Variants in OCA2 observed in about 807,000 individuals in gnomAD.
OCA2 encodes P protein.
In OCA2, 77 loss-of-function variants were observed where a neutral mutation model predicts 100.2. The observed-to-expected ratio is 0.77, with a 90% CI of 0.64 to 0.93. OCA2 has a LOEUF of 0.93. Ranked by LOEUF, OCA2 falls within the 40% of genes least tolerant of loss-of-function variation. The probability of loss-of-function intolerance (pLI) is 0.00; values close to 1 mark genes in which losing one functional copy is unlikely to be tolerated. For synonymous variants in OCA2, 432 were observed against 439.2 expected (o/e 0.98, Z 0.21); for missense variants, 1,062 against 1,089.1 (o/e 0.98, Z 0.35).
chr15:27,860,208 C>T (rs2036081060), intron 21 of OCA2, among the ~76,000 whole-genome samples: 2 of 152,230 alleles, frequency 1.3e-5, no homozygotes, highest in Admixed American at 6.5e-5. Flanking sequence ...TTTTGCAAAA[C>T]TCAATAAAAG....
chr15:28,003,786 C>G (rs1401779408), intron 9 of OCA2, among the ~76,000 whole-genome samples: 1 of 152,226 alleles, frequency 6.6e-6, no homozygotes, highest in African/African-American at 2.4e-5. Context: ...CACCCCTAGC[C>G]CAGCCTGCTC....
intron 1 of OCA2, among the ~76,000 whole-genome samples, chr15:28,084,411 G>A (rs2044738373): frequency 6.6e-6 from 1 of 152,160 alleles, no homozygotes; most frequent in Admixed American, 6.5e-5. Context: ...CTTTCCCAGT[G>A]GAGCCTCTCT....
intron 1 of OCA2, among the ~76,000 whole-genome samples, chr15:28,092,563 G>C (rs1248443730): frequency 6.6e-6 from 1 of 152,098 alleles, no homozygotes; most frequent in Non-Finnish European, 1.5e-5. Flanking sequence ...ATGGTGCCCA[G>C]TCTGGTCTCA....
chr15:28,055,017 C>T (rs2043646093), intron 2 of OCA2, among the ~76,000 whole-genome samples: 1 of 152,238 alleles, frequency 6.6e-6, no homozygotes, highest in Admixed American at 6.5e-5. Flanking sequence ...ATTATCTCCA[C>T]CTGTTCCCAC....
chr15:27,909,920 A>G (rs2038321290), intron 19 of OCA2, among the ~76,000 whole-genome samples: 1 of 152,146 alleles, frequency 6.6e-6, no homozygotes, highest in African/African-American at 2.4e-5. Context: ...GACACACTAT[A>G]AAAAGTCACA....
Position 28,043,615 on chromosome 15 carries a change from A to C in OCA2, c.228-11452T>G, listed in dbSNP as rs1595872507. Among the ~76,000 whole-genome samples the C allele has an allele frequency of 6.6e-6, 1 of 152,314 alleles. No individual in the cohort carries two copies. The highest frequency in any genetic ancestry group is 2.4e-5 in the African/African-American group (1 of 41,572). ...AGAACCACTGCCATGTAATTAAGCA[A>C]GTTTTCAAATCTCAGCCCAGTGTGC... On this transcript the variant is annotated intron_variant, in intron 2 of 23. Transcript: ENST00000354638. The surrounding 1 kb of genome is among the most constrained non-coding windows in gnomAD (Gnocchi z 4.4).
chr15:28,038,702 T>A (rs772411371), intron 2 of OCA2, among the ~76,000 whole-genome samples: 4 of 152,172 alleles, frequency 2.6e-5, no homozygotes, highest in Admixed American at 6.5e-5. Flanking sequence ...TCAGAAAACA[T>A]CTGAGAAGAC....
intron 14 of OCA2, among the ~76,000 whole-genome samples, chr15:27,969,398 TGCAGTGG>T: frequency 6.6e-6 from 1 of 152,330 alleles, no homozygotes; most frequent in African/African-American, 2.4e-5. Context: ...AGATGCAGTG[TGCAGTGG>T]GATGCAGATG....
chr15:27,726,819 A>G, the OCA2 span, among the ~76,000 whole-genome samples: 4 of 152,258 alleles, frequency 2.6e-5, no homozygotes, highest in African/African-American at 9.6e-5. Flanking sequence ...AGAAAATTGC[A>G]TGAAGAAGAA....
intron 1 of OCA2, among the ~76,000 whole-genome samples, chr15:28,089,738 A>G (rs74421066): frequency 0.033 from 5,032 of 152,282 alleles, 249 homozygotes; most frequent in African/African-American, 0.11. Flanking sequence ...AAATAACAGT[A>G]TATGGGTTCA....
chr15:27,911,309 A>G (rs2140258476), intron 19 of OCA2, among the ~76,000 whole-genome samples: 1 of 150,960 alleles, frequency 6.6e-6, no homozygotes, highest in Admixed American at 6.5e-5. Context: ...AGTCCCAGCT[A>G]CTTGGGAGGC....
At chr15:27,891,545 AT>A (rs1280585133) in intron 19 of OCA2, among the ~76,000 whole-genome samples, 1 of 152,230 alleles carries the variant, frequency 6.6e-6, no homozygotes, top group Non-Finnish European at 1.5e-5. Flanking sequence ...AACTAAGCAC[AT>A]TCTTCTGTAT....
intron 23 of OCA2, among the ~76,000 whole-genome samples, chr15:27,800,651 A>G (rs1213364050): frequency 6.6e-6 from 1 of 152,218 alleles, no homozygotes; most frequent in African/African-American, 2.4e-5. Flanking sequence ...AAGAGATAAC[A>G]GGAATAGCCC....
At chr15:27,723,505 G>A in the OCA2 span, among the ~76,000 whole-genome samples, 2 of 151,890 alleles carry the variant, frequency 1.3e-5, no homozygotes, top group African/African-American at 4.8e-5. Flanking sequence ...TGACCTGACC[G>A]AGAGACAGAA....
chr15:27,870,962 G>C (rs1387565412), intron 21 of OCA2, among the ~76,000 whole-genome samples, 192 bp downstream of exon 21: 1 of 152,088 alleles, frequency 6.6e-6, no homozygotes, highest in Non-Finnish European at 1.5e-5. Context: ...CAGAGCCTCG[G>C]CTCCCAGCCT....
intron 23 of OCA2, among the ~76,000 whole-genome samples, chr15:27,805,232 C>T (rs530332273): frequency 6.6e-6 from 1 of 152,232 alleles, no homozygotes; most frequent in Non-Finnish European, 1.5e-5. Flanking sequence ...TGATGGGAGA[C>T]TCCATGTGAT....
chr15:27,998,139 C>G (rs1190561094), intron 9 of OCA2, among the ~76,000 whole-genome samples: 1 of 144,052 alleles, frequency 6.9e-6, no homozygotes, highest in Non-Finnish European at 1.5e-5. Flanking sequence ...TAGGCATGGG[C>G]AAGGACTTCA....
chr15:27,867,930 C>G (rs906271145), intron 21 of OCA2, among the ~76,000 whole-genome samples: 30 of 152,274 alleles, frequency 2.0e-4, no homozygotes, highest in Middle Eastern at 3.4e-3. Flanking sequence ...CCCTCAGGCC[C>G]CAGGATTGTT....
At chr15:27,828,484 C>T (rs983334830) in intron 23 of OCA2, among the ~76,000 whole-genome samples, 7 of 152,136 alleles carry the variant, frequency 4.6e-5, no homozygotes, top group African/African-American at 1.4e-4. Context: ...CAGAGTTTTG[C>T]AGAGCATTTT....
Sources: gnomAD v4.1 joint callset for allele counts (sites outside exome capture counted in the v4.1 genomes callset) on GRCh38, gnomAD v4.1.1 for gene constraint, Gnocchi (gnomAD v3.1) non-coding constraint, MANE v1.5 for transcripts, NCBI Gene and HGNC (gene_info 2026-07-23, HGNC 2026-07-21) for gene names.